Variants in EXOC4 observed in about 807,000 individuals in gnomAD.
The protein encoded by EXOC4 is SEC8-like 1.
Under a neutral mutation model 107.2 loss-of-function variants are expected in EXOC4, and 71 were observed. That is an observed-to-expected ratio of 0.66 (90% CI 0.55 to 0.81). The LOEUF is 0.81. EXOC4 is among the 30% of genes least tolerant of loss of function. The pLI, the probability that EXOC4 is intolerant of heterozygous loss-of-function variation, is 0.00. For missense variants in EXOC4, 1,108 were observed against 1,189.6 expected, an observed-to-expected ratio of 0.93 and a Z score of 1.01; for synonymous variants, 456 against 441.2, an observed-to-expected ratio of 1.03 and a Z score of -0.42.
intron 9 of EXOC4, among the ~76,000 whole-genome samples, chr7:133,559,605 G>C (rs1055783138): frequency 2.0e-5 from 3 of 152,158 alleles, no homozygotes; most frequent in Non-Finnish European, 2.9e-5. Context: ...AAACAAAGTT[G>C]GGTAATTTTT....
At chr7:133,994,970 A>G (rs987725550) in intron 14 of EXOC4, among the ~76,000 whole-genome samples, 1 of 152,210 alleles carries the variant, frequency 6.6e-6, no homozygotes, top group Admixed American at 6.5e-5. Flanking sequence ...TGTAAGTTTC[A>G]GTAAGCCCTG....
chr7:133,925,456 C>T (rs1187729441), intron 13 of EXOC4, among the ~76,000 whole-genome samples: 1 of 152,110 alleles, frequency 6.6e-6, no homozygotes, highest in Non-Finnish European at 1.5e-5. Context: ...TGATTATCTG[C>T]TGATAAAAGG....
intron 17 of EXOC4, among the ~76,000 whole-genome samples, chr7:134,013,103 G>T (rs1342619752): frequency 2.0e-5 from 3 of 152,180 alleles, no homozygotes; most frequent in Admixed American, 6.5e-5. Flanking sequence ...CAAGTCTACG[G>T]TAGGGTTTGA....
intron 14 of EXOC4, among the ~76,000 whole-genome samples, chr7:133,968,336 T>C (rs1801119518): frequency 6.6e-6 from 1 of 152,208 alleles, no homozygotes; most frequent in Admixed American, 6.5e-5. Flanking sequence ...TTAGCCCAGT[T>C]ACATTTAAAG....
intron 14 of EXOC4, among the ~76,000 whole-genome samples, chr7:133,978,874 C>A (rs1050796796): frequency 1.3e-5 from 2 of 152,136 alleles, no homozygotes; most frequent in Admixed American, 6.5e-5. Flanking sequence ...AACCCAAAAC[C>A]CCTACTGGCA....
At chr7:133,654,760 T>C (rs1205069868) in intron 10 of EXOC4, among the ~76,000 whole-genome samples, 3 of 152,146 alleles carry the variant, frequency 2.0e-5, no homozygotes. Context: ...TTCATCATTA[T>C]GCAAACACTA....
intron 10 of EXOC4, among the ~76,000 whole-genome samples, chr7:133,736,832 C>G (rs925563497): frequency 6.6e-6 from 1 of 152,160 alleles, no homozygotes; most frequent in Non-Finnish European, 1.5e-5. Flanking sequence ...TCACCCTACT[C>G]TTTCCCCAAA....
chr7:133,750,057 T>G (rs1041254620), intron 10 of EXOC4, among the ~76,000 whole-genome samples: 1 of 151,084 alleles, frequency 6.6e-6, no homozygotes, highest in Non-Finnish European at 1.5e-5. Context: ...TGCTTTAAAT[T>G]TAGCAGAAGT....
At chr7:133,567,421 A>G (rs1800928646) in intron 9 of EXOC4, among the ~76,000 whole-genome samples, 2 of 152,042 alleles carry the variant, frequency 1.3e-5, no homozygotes, top group South Asian at 2.1e-4. Context: ...TTATATAACC[A>G]GTCCTGTGTT....
At chr7:133,811,072 G>T (rs1021334414) in intron 10 of EXOC4, among the ~76,000 whole-genome samples, 4 of 151,992 alleles carry the variant, frequency 2.6e-5, no homozygotes, top group African/African-American at 9.7e-5. Flanking sequence ...GTGATGAGAC[G>T]CTCCCCATAC....
intron 12 of EXOC4, among the ~76,000 whole-genome samples, chr7:133,909,033 T>C (rs1055376646): frequency 6.6e-6 from 1 of 152,150 alleles, no homozygotes; most frequent in Non-Finnish European, 1.5e-5. Flanking sequence ...TTCCCCTCCA[T>C]GTGTCCATGT....
intron 5 of EXOC4, among the ~76,000 whole-genome samples, chr7:133,329,900 G>T (rs1156639182): frequency 6.6e-6 from 1 of 152,172 alleles, no homozygotes; most frequent in African/African-American, 2.4e-5. Flanking sequence ...GAGGCATGGG[G>T]GTCAGGGACC....
rs3076787 is a variant in EXOC4, at chr7:133,669,595, G to GACTC, written c.1514+39454_1514+39455insACTC. 4.2e-4 allele frequency among the ~76,000 whole-genome samples: 64 copies of GACTC among 152,038 alleles called. 3 individuals are homozygous for GACTC. The highest frequency in any genetic ancestry group is 3.4e-3 in the Middle Eastern group (1 of 292). ...AAAGAACTATGTTCGCTAAATGCCT[G>GACTC]TGTTTAACATGTGAGAAGATATGTC... On this transcript the variant is annotated intron_variant, in intron 10 of 17. Coordinates refer to ENST00000253861, the MANE Select transcript of EXOC4 (RefSeq NM_021807.4).
chr7:133,452,422 G>A, intron 7 of EXOC4, among the ~76,000 whole-genome samples: 1 of 151,678 alleles, frequency 6.6e-6, no homozygotes, highest in East Asian at 1.9e-4. Flanking sequence ...TCTCCCACAT[G>A]GTGATGAGAA....
At chr7:133,574,384 A>C (rs1274703918) in intron 9 of EXOC4, among the ~76,000 whole-genome samples, 3 of 152,220 alleles carry the variant, frequency 2.0e-5, no homozygotes, top group Admixed American at 1.3e-4. Context: ...TTGAATCTAG[A>C]TTATAAGCTT....
At chr7:133,631,973 AAAC>A (rs1203445406) in intron 10 of EXOC4, among the ~76,000 whole-genome samples, 4 of 152,176 alleles carry the variant, frequency 2.6e-5, no homozygotes, top group Non-Finnish European at 4.4e-5. Context: ...AACCCTTTAG[AAAC>A]TATTAACCGT....
intron 10 of EXOC4, among the ~76,000 whole-genome samples, chr7:133,719,774 A>G (rs1795069024): frequency 6.6e-6 from 1 of 152,206 alleles, no homozygotes; most frequent in Non-Finnish European, 1.5e-5. Context: ...ATACTTTCTC[A>G]TTTCAAGAAA....
chr7:133,400,606 C>T (rs10265511), intron 7 of EXOC4, among the ~76,000 whole-genome samples: 165 of 152,200 alleles, frequency 1.1e-3, no homozygotes, highest in African/African-American at 3.7e-3. Context: ...TATAGTTTTT[C>T]GTTTCTCTAC....
chr7:133,873,386 C>CT (rs1454679113), intron 11 of EXOC4, among the ~76,000 whole-genome samples: 1 of 152,138 alleles, frequency 6.6e-6, no homozygotes, highest in African/African-American at 2.4e-5. Flanking sequence ...CACCTCCCTC[C>CT]TAGAGGATGG....
Sources: allele counts gnomAD v4.1 joint callset (sites outside exome capture counted in the v4.1 genomes callset), GRCh38; gene constraint gnomAD v4.1.1; transcripts MANE v1.5; gene names NCBI Gene and HGNC (gene_info 2026-07-23, HGNC 2026-07-21).